The following ITIH5 variants were observed in gnomAD, a reference collection of about 807,000 sequenced individuals.
ITIH5 encodes inter-alpha-trypsin inhibitor heavy chain H5.
A neutral mutation model predicts 77.5 loss-of-function variants in ITIH5; 65 were observed. That is an observed-to-expected ratio of 0.84 (90% CI 0.69 to 1.03). ITIH5 has a LOEUF of 1.03. Among genes scored for constraint, ITIH5 ranks in the 50% least tolerant of loss-of-function variants. The pLI is 0.00. For synonymous variants in ITIH5, 525 were observed against 494.3 expected (o/e 1.06, Z -0.82); for missense variants, 1,208 against 1,213.1 (o/e 1.00, Z 0.06).
At chr10:7,636,792 A>G (rs113802420) in intron 5 of ITIH5, among the ~76,000 whole-genome samples, 4,092 of 152,086 alleles carry the variant, frequency 0.027, 75 homozygotes, top group Middle Eastern at 0.082. Flanking sequence ...GCTGGCTCAC[A>G]CCTGTAATCC....
At chr10:7,572,905 G>C in intron 11 of ITIH5, 1 of 368,344 alleles carries the variant, frequency 2.7e-6, no homozygotes, top group Admixed American at 4.4e-5. Context: ...AGCCTCCCCA[G>C]TAGCTGGAAC....
Position 7,637,481 on chromosome 10 carries a change from G to A in ITIH5, c.402-3C>T. 6.2e-7 allele frequency: 1 copy of A among 1,612,914 alleles called. No individual in the cohort carries two copies. The highest frequency in any genetic ancestry group is 8.5e-7 in the Non-Finnish European group (1 of 1,179,744). On this transcript the variant is annotated splice_polypyrimidine_tract_variant and splice_region_variant and intron_variant, in intron 4 of 13. Transcript: ENST00000397146. ...TGAATATTTCAGTCCCCTTCTCTCT[G>A]TCAGGAAAAAGGAAAAGGACCCCAG... is the stretch of plus-strand genomic sequence containing the variant.
At chr10:7,628,846 C>CATGTGTCCCTGTTGTAGT (rs1833641592) in intron 5 of ITIH5, among the ~76,000 whole-genome samples, 3 of 135,686 alleles carry the variant, frequency 2.2e-5, no homozygotes, top group African/African-American at 7.6e-5. Context: ...CCTGTTGTAG[C>CATGTGTCCCTGTTGTAGT]GTGTGTCCCT....
chr10:7,631,691 A>C (rs1248437248), intron 5 of ITIH5, among the ~76,000 whole-genome samples: 1 of 152,072 alleles, frequency 6.6e-6, no homozygotes. Flanking sequence ...GAGAGTGAAA[A>C]CTTGTCGGTG....
At chr10:7,637,203 C>T (rs1420741877) in intron 5 of ITIH5, 25 bp downstream of exon 5, 4 of 1,596,488 alleles carry the variant, frequency 2.5e-6, no homozygotes, top group South Asian at 2.2e-5. Context: ...CACAGATCTG[C>T]ACGAACCCAG....
intron 9 of ITIH5, 144 bp downstream of exon 9, chr10:7,579,611 G>T: frequency 1.3e-6 from 1 of 780,100 alleles, no homozygotes; most frequent in Non-Finnish European, 2.1e-6. Context: ...AACACATGGT[G>T]ACACCTCCCA....
intron 5 of ITIH5, chr10:7,621,314 A>T (rs1287565705): frequency 6.6e-6 from 1 of 152,170 alleles, no homozygotes; most frequent in Non-Finnish European, 1.5e-5. Context: ...AATTAATACC[A>T]TTCATGGCTG....
At chr10:7,612,091 C>A (rs998019053) in intron 7 of ITIH5, among the ~76,000 whole-genome samples, 1 of 151,948 alleles carries the variant, frequency 6.6e-6, no homozygotes, top group Non-Finnish European at 1.5e-5. Context: ...ACTCTTTGCC[C>A]CAGTAATTCC....
intron 2 of ITIH5, among the ~76,000 whole-genome samples, chr10:7,650,221 T>C (rs1001795701): frequency 2.0e-5 from 3 of 152,240 alleles, no homozygotes; most frequent in Non-Finnish European, 4.4e-5. Flanking sequence ...TTGCCAGCAC[T>C]CAGGCCACAG....
At chr10:7,666,702 G>T in intron 1 of ITIH5, 101 bp downstream of exon 1, 1 of 880,968 alleles carries the variant, frequency 1.1e-6, no homozygotes. Context: ...TGGGGGCCTG[G>T]GAGACGGTCG....
At chr10:7,640,612 C>T (rs1203730781) in intron 4 of ITIH5, 142 bp downstream of exon 4, 5 of 610,536 alleles carry the variant, frequency 8.2e-6, no homozygotes, top group African/African-American at 1.9e-5. Context: ...ATATTATTCA[C>T]TAGATGTATT....
intron 1 of ITIH5, among the ~76,000 whole-genome samples, chr10:7,665,333 A>G (rs1280277789): frequency 6.6e-6 from 1 of 152,196 alleles, no homozygotes; most frequent in Non-Finnish European, 1.5e-5. Flanking sequence ...AAGTTTCAAG[A>G]TCTTTACCCT....
At chr10:7,592,032 A>G (rs1323486931) in intron 7 of ITIH5, among the ~76,000 whole-genome samples, 1 of 151,972 alleles carries the variant, frequency 6.6e-6, no homozygotes, top group Admixed American at 6.6e-5. Flanking sequence ...CACCATGCCC[A>G]GCTGATTTTA....
At chr10:7,640,148 CAAAAAAAAA>C (rs56939703) in intron 4 of ITIH5, among the ~76,000 whole-genome samples, 2 of 80,266 alleles carry the variant, frequency 2.5e-5, no homozygotes, top group African/African-American at 9.7e-5. Context: ...GGGGTAACTA[CAAAAAAAAA>C]AAAAAAAAAA....
At chr10:7,584,305 T>C (rs1564244556) in intron 8 of ITIH5, among the ~76,000 whole-genome samples, 4 of 136,664 alleles carry the variant, frequency 2.9e-5, no homozygotes, top group Non-Finnish European at 1.6e-5. Context: ...CTTTCTTTTT[T>C]TTTTCTTTTT....
chr10:7,569,796 G>A lies in ITIH5; in HGVS notation c.2033-12C>T. ...GGGATCACCATCCACTGCCAGAGCA[G>A]AAGAAAACGGAGAGAAAAAGAAAGA... On this transcript the variant is annotated splice_polypyrimidine_tract_variant and intron_variant, in intron 11 of 13. Transcript: ENST00000397146. 1 of 1,529,320 alleles carries A rather than the reference G, an allele frequency of 6.5e-7. No homozygotes were observed. Among genetic ancestry groups the A allele is most frequent in the South Asian group, 1.2e-5 (1 of 84,178 alleles). The allele number at this position is 1,529,320 out of a possible 1,614,324, so 94.7% of individuals were successfully genotyped here. A position where few individuals can be genotyped will look rare whatever the true frequency, so the allele number is the denominator to read the frequency against.
At position 7,576,487 on chromosome 10, in the gene ITIH5, C is replaced by T. The variant is rs764155744; in HGVS notation, c.1944G>A (p.Val648=). 37 of 1,607,740 alleles carry T rather than the reference C, an allele frequency of 2.3e-5. No individual in the cohort carries two copies. Among genetic ancestry groups the T allele is most frequent in the Non-Finnish European group, 3.1e-5 (37 of 1,179,460 alleles). The change falls in exon 10 of 14, where the codon GTG becomes GTA. Residue 648 remains valine (V), a synonymous_variant. Coordinates refer to ENST00000397146, the MANE Select transcript of ITIH5 (RefSeq NM_030569.7). ...GMSAAMGPEP[V]VQSVRGAGTQ... ...TGCCAGCTCCTCGCACGCTCTGCAC[C>T]ACCGGTTCGGGTCCCATGGCAGCCG...
intron 5 of ITIH5, among the ~76,000 whole-genome samples, chr10:7,635,162 G>T (rs745857079): frequency 6.6e-5 from 10 of 152,178 alleles, no homozygotes; most frequent in Non-Finnish European, 1.3e-4. Flanking sequence ...AAGTGCTAAG[G>T]AGACACAGGT....
chr10:7,584,546 C>G (rs1700962971), intron 8 of ITIH5, among the ~76,000 whole-genome samples: 1 of 152,054 alleles, frequency 6.6e-6, no homozygotes. Flanking sequence ...CTCAGGTGAT[C>G]CACCTGCCTC....
Sources: allele counts gnomAD v4.1 joint callset (sites outside exome capture counted in the v4.1 genomes callset), GRCh38; gene constraint gnomAD v4.1.1; transcripts MANE v1.5; gene names NCBI Gene and HGNC (gene_info 2026-07-23, HGNC 2026-07-21).